Variants in ZNF654 observed in about 807,000 individuals in gnomAD.
The protein encoded by ZNF654 is zinc finger protein 654, also known as melanoma-associated antigen.
In ZNF654, 19 loss-of-function variants were observed where a neutral mutation model predicts 95.3. The ratio of observed to expected loss-of-function variants is 0.20; its 90% CI spans 0.14 to 0.29. The LOEUF is 0.29. Ranked by LOEUF, ZNF654 falls within the 10% of genes least tolerant of loss-of-function variation. The pLI is 1.00. For synonymous variants in ZNF654, 413 were observed against 457.9 expected (o/e 0.90, Z 1.25); for missense variants, 1,046 against 1,341.0 (o/e 0.78, Z 3.44).
At chr3:88,076,377 T>C (rs927726038) in intron 1 of ZNF654, among the ~76,000 whole-genome samples, 12 of 152,184 alleles carry the variant, frequency 7.9e-5, no homozygotes, top group African/African-American at 9.7e-5. Context: ...TAATTTTTTT[T>C]CCCCATTTTC....
chr3:88,098,475 T>A (rs1431053817), intron 2 of ZNF654, among the ~76,000 whole-genome samples: 1 of 152,054 alleles, frequency 6.6e-6, no homozygotes, highest in Non-Finnish European at 1.5e-5. Flanking sequence ...TCCCTAACTC[T>A]TTTTATGAGG....
chr3:88,122,675 T>G (rs1255065869), intron 3 of ZNF654, among the ~76,000 whole-genome samples: 1 of 152,130 alleles, frequency 6.6e-6, no homozygotes, highest in East Asian at 1.9e-4. Flanking sequence ...TAAGTTGATA[T>G]AGAGGCACAA....
chr3:88,067,460 A>G (rs773487817), intron 1 of ZNF654, among the ~76,000 whole-genome samples: 4 of 152,220 alleles, frequency 2.6e-5, no homozygotes, highest in Non-Finnish European at 5.9e-5. Flanking sequence ...ATGAGCTCAC[A>G]TAGGGAGAGA....
chr3:88,116,253 G>A (rs1705383514), intron 3 of ZNF654, among the ~76,000 whole-genome samples: 1 of 152,052 alleles, frequency 6.6e-6, no homozygotes, highest in African/African-American at 2.4e-5. Context: ...AGGCATAGTG[G>A]TTCACCCCTG....
chr3:88,085,318 C>G (rs1708283845), intron 1 of ZNF654, among the ~76,000 whole-genome samples: 1 of 152,194 alleles, frequency 6.6e-6, no homozygotes, highest in African/African-American at 2.4e-5. Context: ...AGCAGGAAAG[C>G]AGCCACAGAC....
chr3:88,128,691 T>C, intron 4 of ZNF654, 118 bp from the exon 5 acceptor site: 1 of 663,822 alleles, frequency 1.5e-6, no homozygotes, highest in East Asian at 2.8e-5. Flanking sequence ...CTAAGGAAAA[T>C]GCTATTTAAG....
intron 1 of ZNF654, among the ~76,000 whole-genome samples, chr3:88,076,208 T>C (rs1452284812): frequency 6.6e-6 from 1 of 152,226 alleles, no homozygotes; most frequent in African/African-American, 2.4e-5. Context: ...GCTTTTATTA[T>C]AGACTTTCTG....
At chr3:88,093,464 A>G (rs1159228675) in intron 2 of ZNF654, among the ~76,000 whole-genome samples, 5 of 152,200 alleles carry the variant, frequency 3.3e-5, no homozygotes, top group Non-Finnish European at 4.4e-5. Flanking sequence ...TAGGTCCACA[A>G]GAATCACTGG....
Position 88,143,235 on chromosome 3 carries a change from A to T in ZNF654, c.*1583A>T, listed in dbSNP as rs1160780326. ...ATGATAGATCAGATGATTTTTTTTTAATTTCCCGGTTTTATTGGTTTATCA... is the reference window on the plus strand; with the variant it reads ...ATGATAGATCAGATGATTTTTTTTTTATTTCCCGGTTTTATTGGTTTATCA... On this transcript the variant is annotated 3_prime_UTR_variant, in exon 9 of 9. Coordinates refer to ENST00000636215, the MANE Select transcript of ZNF654 (RefSeq NM_001350134.2). 1 of 151,876 alleles carries T rather than the reference A, an allele frequency of 6.6e-6. No individual in the cohort carries two copies. The highest frequency in any genetic ancestry group is 1.9e-4 in the East Asian group (1 of 5,196). The allele number at this position is 151,876 out of a possible 1,614,324, so 9.4% of individuals were successfully genotyped here.
chr3:88,121,966 T>C (rs555117827), intron 3 of ZNF654, among the ~76,000 whole-genome samples: 2 of 152,316 alleles, frequency 1.3e-5, no homozygotes, highest in South Asian at 4.1e-4. Context: ...ATGTATCTTC[T>C]CTGGCACACC....
chr3:88,139,978 T>C lies in ZNF654; in HGVS notation c.2309T>C (p.Val770Ala), dbSNP rs1707020327. The C allele has an allele frequency of 1.2e-6, 2 of 1,613,794 alleles. No individual in the cohort carries two copies. The highest frequency in any genetic ancestry group is 2.2e-5 in the South Asian group (2 of 91,080). Residue 770 changes from valine (V) to alanine (A), a missense_variant, in exon 8 of 9, where the codon GTA (valine) becomes GCA (alanine). Transcript: ENST00000636215. ...TTTCTAAATAAACATGCAATGACCG[T>C]ACATCCAACCGATTTAAATGTGCGA... Reference protein sequence around the residue: ...IGFLNKHAMTVHPTDLNVRQT... With the variant: ...IGFLNKHAMTAHPTDLNVRQT...
At chr3:88,089,255 G>A (rs9310070) in intron 2 of ZNF654, among the ~76,000 whole-genome samples, 1 of 146,390 alleles carries the variant, frequency 6.8e-6, no homozygotes. Context: ...ACTTTGGGAG[G>A]CCGAGGCGGG....
chr3:88,116,577 C>CACAT (rs767725952), intron 3 of ZNF654, among the ~76,000 whole-genome samples: 4 of 148,106 alleles, frequency 2.7e-5, no homozygotes, highest in African/African-American at 9.9e-5. Flanking sequence ...CACACACACA[C>CACAT]ATGCACATAT....
Position 88,142,143 on chromosome 3 carries a change from G to T in ZNF654, c.*491G>T, listed in dbSNP as rs1470160114. 2 of 152,448 alleles carry T rather than the reference G, an allele frequency of 1.3e-5. No individual in the cohort carries two copies. Among genetic ancestry groups the T allele is most frequent in the African/African-American group, 4.8e-5 (2 of 41,400 alleles). 9.4% of individuals were successfully genotyped at this position (152,448 alleles called of 1,614,324 possible). Reference sequence around the variant, plus strand: ...TCCCTTCTGGTTAAACATGGTTTAAGGAACCGCTGCTGTTTGGTTTGTGAT... The same window carrying T: ...TCCCTTCTGGTTAAACATGGTTTAATGAACCGCTGCTGTTTGGTTTGTGAT... On this transcript the variant is annotated 3_prime_UTR_variant, in exon 9 of 9. Coordinates refer to ENST00000636215, the MANE Select transcript of ZNF654 (RefSeq NM_001350134.2).
rs1406835584 is a variant in ZNF654 at position 88,086,260 on chromosome 3, G to C, written c.190G>C (p.Val64Leu). Residue 64 changes from valine (V) to leucine (L), a missense_variant, in exon 2 of 9, where the codon GTT (valine) becomes CTT (leucine). Coordinates refer to ENST00000636215, the MANE Select transcript of ZNF654 (RefSeq NM_001350134.2). ...RDYCRRFCQV[V>L]EDYAGRWQVP... ...GTCTGGATTGCTTCTCTGTCAGGTGGTTGAAGATTATGCTGGAAGATGGCA... is the reference window on the plus strand; with the variant it reads ...GTCTGGATTGCTTCTCTGTCAGGTGCTTGAAGATTATGCTGGAAGATGGCA... 1 of 1,533,238 alleles carries C rather than the reference G, an allele frequency of 6.5e-7. No individual in the cohort carries two copies. Among genetic ancestry groups the C allele is most frequent in the Non-Finnish European group, 8.7e-7 (1 of 1,146,468 alleles). 95.0% of individuals were successfully genotyped at this position (1,533,238 alleles called of 1,614,324 possible). A position where few individuals can be genotyped will look rare whatever the true frequency, so the allele number is the denominator to read the frequency against.
chr3:88,069,159 C>T (rs1171328188), intron 1 of ZNF654, among the ~76,000 whole-genome samples: 1 of 151,588 alleles, frequency 6.6e-6, no homozygotes, highest in Non-Finnish European at 1.5e-5. Flanking sequence ...CCGTGGCTTA[C>T]ACCTGTAATC....
intron 1 of ZNF654, among the ~76,000 whole-genome samples, chr3:88,068,343 T>C (rs184179956): frequency 1.3e-5 from 2 of 152,100 alleles, no homozygotes; most frequent in Non-Finnish European, 2.9e-5. Flanking sequence ...GCTCCACTTG[T>C]GGCAAAACAT....
At chr3:88,106,642 C>T (rs1383458539) in intron 2 of ZNF654, among the ~76,000 whole-genome samples, 1 of 151,896 alleles carries the variant, frequency 6.6e-6, no homozygotes, top group Non-Finnish European at 1.5e-5. Flanking sequence ...TGGCCTCGGC[C>T]CTTTTTTTCA....
chr3:88,138,627 T>G (rs1706946052), intron 7 of ZNF654, 78 bp from the exon 8 acceptor site: 2 of 830,638 alleles, frequency 2.4e-6, no homozygotes, highest in South Asian at 6.3e-5. Context: ...TTTTAAGAGT[T>G]GTGTTTTTTA....
Sources: allele counts gnomAD v4.1 joint callset (sites outside exome capture counted in the v4.1 genomes callset), GRCh38; gene constraint gnomAD v4.1.1; transcripts MANE v1.5; gene names NCBI Gene and HGNC (gene_info 2026-07-23, HGNC 2026-07-21).